MAF: variants seen among roughly 807,000 people sequenced by gnomAD.
MAF encodes the protein MAF bZIP transcription factor.
Under a neutral mutation model 22.0 loss-of-function variants are expected in MAF, and 10 were observed. That is an observed-to-expected ratio of 0.45 (90% CI 0.28 to 0.77). The LOEUF is 0.77. MAF is among the 30% of genes least tolerant of loss of function. MAF has a pLI of 0.12. For missense variants in MAF, 544 were observed against 548.4 expected (o/e 0.99, Z 0.08); for synonymous variants, 337 against 255.8 (o/e 1.32, Z -3.03).
chr16:79,458,926 GA>G, the MAF span, among the ~76,000 whole-genome samples: 2 of 152,170 alleles, frequency 1.3e-5, no homozygotes, highest in Non-Finnish European at 2.9e-5. Context: ...AAAATGCAGG[GA>G]AAGATGTACT....
the MAF span, among the ~76,000 whole-genome samples, chr16:79,449,828 C>G: frequency 6.6e-6 from 1 of 152,220 alleles, no homozygotes; most frequent in African/African-American, 2.4e-5. Flanking sequence ...CCAGGTAACT[C>G]TAGAAGAGGT....
chr16:79,541,301 T>C, the MAF span, among the ~76,000 whole-genome samples: 1 of 152,326 alleles, frequency 6.6e-6, no homozygotes, highest in East Asian at 1.9e-4. Context: ...TTCTGTCTCA[T>C]CACCTCCAAA....
the MAF span, among the ~76,000 whole-genome samples, chr16:79,459,390 C>A: frequency 6.6e-6 from 1 of 152,036 alleles, no homozygotes; most frequent in Non-Finnish European, 1.5e-5. Context: ...CTTGTGGAGC[C>A]CACATGCTCT....
At chr16:79,358,803 G>C in the MAF span, among the ~76,000 whole-genome samples, 1 of 152,312 alleles carries the variant, frequency 6.6e-6, no homozygotes, top group South Asian at 2.1e-4. Flanking sequence ...CATTCTCTCA[G>C]ATTCTTGCTC....
At chr16:79,287,064 A>G in the MAF span, among the ~76,000 whole-genome samples, 2 of 151,892 alleles carry the variant, frequency 1.3e-5, no homozygotes, top group South Asian at 4.1e-4. Context: ...GGGAGCATGA[A>G]CACAAACGAA....
the MAF span, chr16:79,516,368 G>A: frequency 2.0e-4 from 30 of 152,286 alleles, no homozygotes; most frequent in Admixed American, 1.6e-3. Flanking sequence ...TTCCCATGGC[G>A]AAGGGGAAAA....
chr16:79,255,437 T>C, the MAF span, among the ~76,000 whole-genome samples: 2 of 152,226 alleles, frequency 1.3e-5, no homozygotes, highest in Non-Finnish European at 2.9e-5. Flanking sequence ...ACCTGCCTTC[T>C]TTTCAGAATG....
the MAF span, among the ~76,000 whole-genome samples, chr16:79,361,222 T>A: frequency 6.6e-6 from 1 of 152,166 alleles, no homozygotes; most frequent in African/African-American, 2.4e-5. Flanking sequence ...TGTTGTCCCC[T>A]CATTAGGAGA....
At chr16:79,535,277 C>A in the MAF span, among the ~76,000 whole-genome samples, 1 of 151,786 alleles carries the variant, frequency 6.6e-6, no homozygotes, top group Non-Finnish European at 1.5e-5. Flanking sequence ...CTGTGGATGG[C>A]GCCTCGGTTT....
chr16:79,495,596 G>A, the MAF span, among the ~76,000 whole-genome samples: 1 of 152,198 alleles, frequency 6.6e-6, no homozygotes, highest in African/African-American at 2.4e-5. Context: ...GCCAGGTAAT[G>A]TAACATTCAC....
chr16:79,502,097 C>T, the MAF span, among the ~76,000 whole-genome samples: 5 of 152,236 alleles, frequency 3.3e-5, no homozygotes, highest in South Asian at 2.1e-4. Flanking sequence ...TCAGTGAATA[C>T]GTGTCATCTA....
At chr16:79,495,755 T>G in the MAF span, among the ~76,000 whole-genome samples, 2 of 152,256 alleles carry the variant, frequency 1.3e-5, no homozygotes, top group South Asian at 2.1e-4. Flanking sequence ...AATTAAGACA[T>G]GCATGGGACT....
chr16:79,246,713 G>C, the MAF span, among the ~76,000 whole-genome samples: 1 of 152,120 alleles, frequency 6.6e-6, no homozygotes, highest in African/African-American at 2.4e-5. Flanking sequence ...TCAATATGTG[G>C]TAAATAATCT....
the MAF span, among the ~76,000 whole-genome samples, chr16:79,575,873 C>T: frequency 4.6e-5 from 7 of 152,276 alleles, no homozygotes; most frequent in East Asian, 1.9e-4. Context: ...ACTACCTCTG[C>T]TTTCCTTGGA....
At chr16:79,207,401 A>C in the MAF span, among the ~76,000 whole-genome samples, 2 of 152,248 alleles carry the variant, frequency 1.3e-5, no homozygotes, top group Non-Finnish European at 2.9e-5. Flanking sequence ...TCATGGGAAC[A>C]CTGCCGTCTT....
At chr16:79,562,183 AC>A in the MAF span, among the ~76,000 whole-genome samples, 4 of 152,244 alleles carry the variant, frequency 2.6e-5, no homozygotes, top group Non-Finnish European at 5.9e-5. Flanking sequence ...TATTCAGACC[AC>A]GTCTAGTCAC....
chr16:79,326,780 C>T, the MAF span, among the ~76,000 whole-genome samples: 154 of 152,256 alleles, frequency 1.0e-3, no homozygotes, highest in Non-Finnish European at 1.7e-3. Context: ...TGCAGGCTAT[C>T]GTTTGCTGAC....
chr16:79,272,545 A>C, the MAF span, among the ~76,000 whole-genome samples: 1 of 152,216 alleles, frequency 6.6e-6, no homozygotes, highest in Non-Finnish European at 1.5e-5. Flanking sequence ...GGATGCCCTA[A>C]GTAGGACAAC....
chr16:79,557,011 G>A, the MAF span, among the ~76,000 whole-genome samples: 9 of 151,690 alleles, frequency 5.9e-5, no homozygotes, highest in South Asian at 1.0e-3. Flanking sequence ...AGAGACAGGG[G>A]CTTGCTATGT....
Sources: gnomAD v4.1 joint callset for allele counts (sites outside exome capture counted in the v4.1 genomes callset) on GRCh38, gnomAD v4.1.1 for gene constraint, MANE v1.5 for transcripts, NCBI Gene and HGNC (gene_info 2026-07-23, HGNC 2026-07-21) for gene names.